Variants in ITGB4 observed in about 807,000 individuals in gnomAD.
ITGB4 encodes integrin subunit beta 4.
Under a neutral mutation model 207.6 loss-of-function variants are expected in ITGB4, and 159 were observed. The observed-to-expected ratio is 0.77, with a 90% CI of 0.67 to 0.87. ITGB4 has a LOEUF of 0.87. Ranked by LOEUF, ITGB4 falls within the 40% of genes least tolerant of loss-of-function variation. The pLI is 0.00. For synonymous variants in ITGB4, 1,020 were observed against 1,062.7 expected (o/e 0.96, Z 0.78); for missense variants, 2,278 against 2,546.8 (o/e 0.89, Z 2.27).
rs1165074980 is a variant in ITGB4 at position 75,721,557 on chromosome 17, C to T, written c.-66C>T. 6.6e-6 allele frequency: 1 copy of T among 152,178 alleles called. No homozygotes were observed. The allele number at this position is 152,178 out of a possible 1,614,324, so 9.4% of individuals were successfully genotyped here. A position where few individuals can be genotyped will look rare whatever the true frequency, so the allele number is the denominator to read the frequency against. ...CCCAGGCGCGGAGGGAGCGAGTCCG[C>T]CCCGAGGTAGGTCCAGGACGGGCGC... On this transcript the variant is annotated 5_prime_UTR_variant, in exon 1 of 40. Coordinates refer to ENST00000200181, the MANE Select transcript of ITGB4 (RefSeq NM_000213.5).
Position 75,733,474 on chromosome 17 carries a change from C to T in ITGB4, c.1455-16C>T, listed in dbSNP as rs1358378842. On this transcript the variant is annotated splice_polypyrimidine_tract_variant and intron_variant, in intron 12 of 39. Coordinates refer to ENST00000200181, the MANE Select transcript of ITGB4 (RefSeq NM_000213.5). ...CCTCCTGGGCTGTTTCGGGGAATGA[C>T]CAGTTCCTCCTTCAGGAGTGGCCAG... The T allele has an allele frequency of 1.2e-6, 2 of 1,611,032 alleles. No individual in the cohort carries two copies. Among genetic ancestry groups the T allele is most frequent in the Admixed American group, 1.7e-5 (1 of 60,020 alleles).
chr17:75,748,197 CAAAAAAA>C (rs57537115), intron 26 of ITGB4, among the ~76,000 whole-genome samples: 70 of 78,648 alleles, frequency 8.9e-4, no homozygotes, highest in Non-Finnish European at 1.4e-3. Context: ...CGTGCCTCTA[CAAAAAAA>C]AAAAAAAAAA....
At chr17:75,723,254 G>A (rs965943258) in intron 1 of ITGB4, among the ~76,000 whole-genome samples, 3 of 152,118 alleles carry the variant, frequency 2.0e-5, no homozygotes, top group Admixed American at 6.5e-5. Flanking sequence ...ATCTCCCGCC[G>A]GGCTCCTGTG....
In ITGB4 at chr17:75,751,100, A is replaced by G. The variant is rs1480289806; in HGVS notation, c.3782A>G (p.Asn1261Ser). Residue 1261 changes from asparagine (N) to serine (S), a missense_variant, in exon 30 of 40, where the codon AAC (asparagine) becomes AGC (serine). Transcript: ENST00000200181. ...TAYEVCYGLVNDDNRPIGPMK... is the reference protein window; with the variant it reads ...TAYEVCYGLVSDDNRPIGPMK... ...TACGAGGTCTGCTATGGCCTGGTCAACGATGACAACCGTAAGAACCAGATC... is the reference window on the plus strand; with the variant it reads ...TACGAGGTCTGCTATGGCCTGGTCAGCGATGACAACCGTAAGAACCAGATC... 4.3e-6 allele frequency: 7 copies of G among 1,613,688 alleles called. No homozygotes were observed. Among genetic ancestry groups the G allele is most frequent in the Non-Finnish European group, 5.9e-6 (7 of 1,180,036 alleles).
chr17:75,738,470 G>C (rs1055054759), intron 18 of ITGB4, among the ~76,000 whole-genome samples: 2 of 152,236 alleles, frequency 1.3e-5, no homozygotes, highest in Non-Finnish European at 2.9e-5. Flanking sequence ...TTGGGGCTGA[G>C]AGGCAGGTGA....
intron 32 of ITGB4, among the ~76,000 whole-genome samples, chr17:75,753,213 A>G (rs1361399258): frequency 6.6e-6 from 1 of 152,238 alleles, no homozygotes; most frequent in African/African-American, 2.4e-5. Context: ...CGATGCCTCA[A>G]GCTGCCCCCG....
In ITGB4 at chr17:75,733,672, C is replaced by T. The variant is rs1421454815; in HGVS notation, c.1637C>T (p.Thr546Ile). The T allele has an allele frequency of 1.2e-6, 2 of 1,614,104 alleles. No individual in the cohort carries two copies. The highest frequency in any genetic ancestry group is 2.2e-5 in the East Asian group (1 of 44,890). ...TATGACAACTTCCAGTGTCCCCGCACTTCCGGGTTCCTCTGCAATGGTGAG... is the reference window on the plus strand; with the variant it reads ...TATGACAACTTCCAGTGTCCCCGCATTTCCGGGTTCCTCTGCAATGGTGAG... ...CEYDNFQCPR[T>I]SGFLCNDRGR... The change falls in exon 13 of 40, where the codon ACT (threonine) becomes ATT (isoleucine). Residue 546 changes from threonine to isoleucine, a missense_variant. Transcript: ENST00000200181.
intron 30 of ITGB4, 185 bp from the exon 31 acceptor site, chr17:75,751,989 G>C: frequency 1.3e-6 from 1 of 743,222 alleles, no homozygotes; most frequent in Admixed American, 1.8e-5. Context: ...GGTGACATAT[G>C]TCCACGCCAG....
rs749103392 is a variant in ITGB4 at position 75,750,815 on chromosome 17, G to A, written c.3610G>A (p.Glu1204Lys). Residue 1204 changes from glutamate (E) to lysine (K), a missense_variant, in exon 29 of 40, where the codon GAG becomes AAG. Glu to Lys is a moderately conservative substitution (Grantham distance 56, BLOSUM62 1). Coordinates refer to ENST00000200181, the MANE Select transcript of ITGB4 (RefSeq NM_000213.5). The surrounding 1 kb of genome is among the most constrained non-coding windows in gnomAD (Gnocchi z 5.5). ...GGTGTGCGCCTACGGGGCTCAGGGC[G>A]AGGGACCCTACAGCTCCCTGGTGTC... Reference protein sequence around the residue: ...MKVCAYGAQGEGPYSSLVSCR... With the variant: ...MKVCAYGAQGKGPYSSLVSCR... 3.6e-5 allele frequency: 58 copies of A among 1,613,306 alleles called. No homozygotes were observed. The highest frequency in any genetic ancestry group is 9.9e-5 in the South Asian group (9 of 91,088).
At chr17:75,733,803 C>G in intron 13 of ITGB4, 111 bp downstream of exon 13, 1 of 1,241,910 alleles carries the variant, frequency 8.1e-7, no homozygotes. Flanking sequence ...ATCAGAATCC[C>G]CAAGTTCAGG....
In ITGB4 at chr17:75,752,164, T is replaced by C; in HGVS notation, c.3794-10T>C. 3 of 1,613,902 alleles carry C rather than the reference T, an allele frequency of 1.9e-6. No individual in the cohort carries two copies. The highest frequency in any genetic ancestry group is 2.5e-6 in the Non-Finnish European group (3 of 1,179,960). On this transcript the variant is annotated splice_polypyrimidine_tract_variant and intron_variant, in intron 30 of 39. Coordinates refer to ENST00000200181, the MANE Select transcript of ITGB4 (RefSeq NM_000213.5). ...CTGGGTGACCCTCTGAAGCACTCTCTCTGCCCCAGGACCTATTGGGCCCAT... is the reference window on the plus strand; with the variant it reads ...CTGGGTGACCCTCTGAAGCACTCTCCCTGCCCCAGGACCTATTGGGCCCAT...
intron 13 of ITGB4, among the ~76,000 whole-genome samples, chr17:75,734,879 C>T (rs949690087): frequency 2.0e-5 from 3 of 152,144 alleles, no homozygotes. Flanking sequence ...CAAAGGGCTT[C>T]GGTTCTAGTC....
Position 75,736,579 on chromosome 17 carries a change from CT to C in ITGB4, c.1876del (p.Cys626AlafsTer143). ...INYSAIHPGL[C>X]EDLRSCVQCQ... is the part of the protein sequence containing the mutation. ...TCCCCGCCAAGATCCACCCGGGCCTCTGCGAGGACCTACGCTCCTGCGTGCA... is the reference window on the plus strand; with the variant it reads ...TCCCCGCCAAGATCCACCCGGGCCTCGCGAGGACCTACGCTCCTGCGTGCA... On this transcript the variant is annotated frameshift_variant, in exon 16 of 40. Transcript: ENST00000200181. LOFTEE classifies it high-confidence loss of function. 6.2e-7 allele frequency: 1 copy of C among 1,600,950 alleles called. No individual in the cohort carries two copies. The highest frequency in any genetic ancestry group is 8.5e-7 in the Non-Finnish European group (1 of 1,174,290).
At chr17:75,741,420 C>T (rs1457328971) in intron 23 of ITGB4, among the ~76,000 whole-genome samples, 1 of 152,000 alleles carries the variant, frequency 6.6e-6, no homozygotes, top group Non-Finnish European at 1.5e-5. Flanking sequence ...GGTCCTACAT[C>T]GAGTCCTGGC....
chr17:75,745,670 C>T (rs1037939497), intron 26 of ITGB4, among the ~76,000 whole-genome samples: 1 of 151,924 alleles, frequency 6.6e-6, no homozygotes, highest in African/African-American at 2.4e-5. Flanking sequence ...CCTGAGGTCA[C>T]GAGTTCGAGA....
rs748068003 is a variant in ITGB4 at position 75,724,691 on chromosome 17, C to A, written c.-10-3C>A. On this transcript the variant is annotated splice_polypyrimidine_tract_variant and splice_region_variant and intron_variant, in intron 1 of 39. Transcript: ENST00000200181. The stretch of plus-strand genomic sequence containing the variant: ...TCATGTGTCAATTGTTGCTGTTCTG[C>A]AGGAGGAAGAGGATGGCAGGGCCAC... 28 of 1,610,994 alleles carry A rather than the reference C, an allele frequency of 1.7e-5. No individual in the cohort carries two copies. The highest frequency in any genetic ancestry group is 2.0e-5 in the Non-Finnish European group (24 of 1,177,544).
chr17:75,757,423 G>A lies in ITGB4; in HGVS notation c.5337G>A (p.Leu1779=), dbSNP rs200798799. ...SATEPFLVDG[L]TLGAQHLEAG... ...ATGCCTCCTCCTCCACAGATGGGCT[G>A]ACCCTGGGGGCCCAGCACCTGGAGG... Residue 1779 remains leucine, a synonymous_variant, in exon 40 of 40, where the codon CTG becomes CTA. Coordinates refer to ENST00000200181, the MANE Select transcript of ITGB4 (RefSeq NM_000213.5). 7.8e-5 allele frequency: 126 copies of A among 1,613,026 alleles called. No homozygotes were observed. The highest frequency in any genetic ancestry group is 1.1e-4 in the African/African-American group (8 of 74,896).
intron 26 of ITGB4, among the ~76,000 whole-genome samples, chr17:75,748,295 A>C (rs2061280296): frequency 6.6e-6 from 1 of 151,580 alleles, no homozygotes; most frequent in Admixed American, 6.6e-5. Context: ...CCAGGAGGTC[A>C]AGGCTTCAGT....
In ITGB4 at chr17:75,731,134, C is replaced by T. The variant is rs774522375; in HGVS notation, c.1093-112C>T. ...CCCCGAGGGGCCACCTGGGCCTGGC[C>T]CTGGCTCCTGCAGGCTCTGTGATAC... On this transcript the variant is annotated intron_variant, in intron 9 of 39. Transcript: ENST00000200181. The surrounding 1 kb of genome is among the most constrained non-coding windows in gnomAD (Gnocchi z 6.8). 4.9e-4 allele frequency: 764 copies of T among 1,574,998 alleles called. No homozygotes were observed. The highest frequency in any genetic ancestry group is 3.9e-3 in the South Asian group (338 of 87,546).
Sources: allele counts gnomAD v4.1 joint callset (sites outside exome capture counted in the v4.1 genomes callset), GRCh38; gene constraint gnomAD v4.1.1; non-coding constraint Gnocchi (gnomAD v3.1); transcripts MANE v1.5; gene names NCBI Gene and HGNC (gene_info 2026-07-23, HGNC 2026-07-21).